The following DLGAP1 variants were observed in gnomAD, a reference collection of about 807,000 sequenced individuals.
DLGAP1 encodes DLG associated protein 1.
In DLGAP1, 11 loss-of-function variants were observed where a neutral mutation model predicts 90.8. The observed-to-expected ratio is 0.12, with a 90% confidence interval of 0.08 to 0.20. DLGAP1 has a LOEUF of 0.20. Ranked by LOEUF, DLGAP1 falls within the 10% of genes least tolerant of loss-of-function variation. The pLI is 1.00. For missense variants in DLGAP1, 1,050 were observed against 1,333.8 expected, an observed-to-expected ratio of 0.79 and a Z score of 3.31; for synonymous variants, 558 against 540.7, an observed-to-expected ratio of 1.03 and a Z score of -0.44.
chr18:3,781,916 C>G (rs770541925), intron 5 of DLGAP1, among the ~76,000 whole-genome samples: 1 of 152,294 alleles, frequency 6.6e-6, no homozygotes, highest in Admixed American at 6.5e-5. Flanking sequence ...AAGGTACACA[C>G]CGCTACATTT....
Position 3,503,088 on chromosome 18 carries a change from T to C in DLGAP1, c.2572-443A>G, listed in dbSNP as rs375785695. Among the ~76,000 whole-genome samples, 7 of 152,340 alleles carry C rather than the reference T, an allele frequency of 4.6e-5. No individual in the cohort carries two copies. The South Asian group carries it at 1.5e-3, about 32-fold the overall frequency. On this transcript the variant is annotated intron_variant, in intron 11 of 12. Transcript: ENST00000315677. ...GATAAGGAATCTAAAATAAGATTAGTTTAAATATTCATGTTAAGTAAAACA... is the reference window on the plus strand; with the variant it reads ...GATAAGGAATCTAAAATAAGATTAGCTTAAATATTCATGTTAAGTAAAACA...
At chr18:3,833,047 CA>C (rs2068119605) in intron 4 of DLGAP1, among the ~76,000 whole-genome samples, 2 of 152,312 alleles carry the variant, frequency 1.3e-5, no homozygotes, top group South Asian at 4.1e-4. Flanking sequence ...AGGAGAATCT[CA>C]TAAATAACAG....
At chr18:3,969,267 G>C (rs1325349845) in intron 3 of DLGAP1, among the ~76,000 whole-genome samples, 1 of 152,124 alleles carries the variant, frequency 6.6e-6, no homozygotes, top group Non-Finnish European at 1.5e-5. Flanking sequence ...TGATCATGTA[G>C]TCAATCAACA....
intron 5 of DLGAP1, among the ~76,000 whole-genome samples, chr18:3,798,819 A>C (rs533140653): frequency 6.6e-6 from 1 of 152,216 alleles, no homozygotes; most frequent in Non-Finnish European, 1.5e-5. Context: ...AACCATTTTT[A>C]ATTTAAAAAT....
intron 1 of DLGAP1, among the ~76,000 whole-genome samples, chr18:4,387,684 C>T (rs1054783855): frequency 1.2e-4 from 18 of 152,070 alleles, no homozygotes; most frequent in Non-Finnish European, 2.2e-4. Flanking sequence ...AAGAAAGGCA[C>T]AGGTTTGGGA....
At chr18:3,609,156 T>TTCTCAGCCTCTCCTG (rs2057472083) in intron 7 of DLGAP1, among the ~76,000 whole-genome samples, 1 of 151,780 alleles carries the variant, frequency 6.6e-6, no homozygotes, top group Admixed American at 6.6e-5. Context: ...CCTTGCAGTG[T>TTCTCAGCCTCTCCTG]CCTCAGCCTC....
chr18:4,282,985 T>A (rs636500), intron 1 of DLGAP1, among the ~76,000 whole-genome samples: 2 of 151,986 alleles, frequency 1.3e-5, no homozygotes, highest in East Asian at 3.9e-4. Flanking sequence ...CTTTAGCCAC[T>A]CAGGATGGGG....
chr18:4,260,902 T>C (rs942153226), intron 1 of DLGAP1, among the ~76,000 whole-genome samples: 1 of 152,204 alleles, frequency 6.6e-6, no homozygotes, highest in Non-Finnish European at 1.5e-5. Context: ...GGCTACAAAG[T>C]AGGACATCTC....
chr18:3,597,780 C>A, intron 7 of DLGAP1: 1 of 157,262 alleles, frequency 6.4e-6, no homozygotes. Context: ...AATGCATCCA[C>A]CGTTCCTTCC....
At chr18:3,698,006 C>T (rs1260639351) in intron 7 of DLGAP1, among the ~76,000 whole-genome samples, 2 of 152,048 alleles carry the variant, frequency 1.3e-5, no homozygotes, top group Non-Finnish European at 2.9e-5. Context: ...AGGATTGCAA[C>T]TCCTGCTTTT....
chr18:3,845,189 G>A (rs772152007), intron 4 of DLGAP1: 27 of 1,604,106 alleles, frequency 1.7e-5, no homozygotes, highest in Admixed American at 8.4e-5. Context: ...ACAAAGAAAC[G>A]ATTTATTTTC....
chr18:4,270,601 T>TGAAAATAAAGAACACTTACAA (rs1280209419), intron 1 of DLGAP1, among the ~76,000 whole-genome samples: 38 of 152,304 alleles, frequency 2.5e-4, no homozygotes, highest in Non-Finnish European at 4.1e-4. Flanking sequence ...GAGGCTTTAT[T>TGAAAATAAAGAACACTTACAA]GAAAATAAAG....
intron 1 of DLGAP1, among the ~76,000 whole-genome samples, chr18:4,224,631 G>A (rs562802382): frequency 6.6e-6 from 1 of 151,690 alleles, no homozygotes; most frequent in Non-Finnish European, 1.5e-5. Flanking sequence ...AAAGGGGAGA[G>A]AAGAGTGGGA....
At chr18:3,832,771 C>T (rs1362516495) in intron 4 of DLGAP1, among the ~76,000 whole-genome samples, 1 of 151,548 alleles carries the variant, frequency 6.6e-6, no homozygotes, top group Non-Finnish European at 1.5e-5. Flanking sequence ...CTCAATATTA[C>T]TGGAAGAAGT....
At chr18:3,872,797 G>T (rs1244010982) in intron 4 of DLGAP1, among the ~76,000 whole-genome samples, 2 of 152,092 alleles carry the variant, frequency 1.3e-5, no homozygotes, top group Non-Finnish European at 2.9e-5. Flanking sequence ...TCTTTAATTT[G>T]CAATCAAGCA....
chr18:4,266,967 G>A (rs764671903), intron 1 of DLGAP1, among the ~76,000 whole-genome samples: 1 of 152,130 alleles, frequency 6.6e-6, no homozygotes, highest in Non-Finnish European at 1.5e-5. Flanking sequence ...CATCTCAGGT[G>A]CTGAGTTTAC....
In DLGAP1 at chr18:4,378,695, C is replaced by T. The variant is rs1420788554; in HGVS notation, c.-267+76311G>A. On this transcript the variant is annotated intron_variant, in intron 1 of 12. Transcript: ENST00000315677. The surrounding 1 kb of genome is among the most constrained non-coding windows in gnomAD (Gnocchi z 4.5). ...TCCATCAGGGTAGGTATCTTGTCCT[C>T]TTGAGAACTTTAACTTACTACTTAA... 2.6e-5 allele frequency among the ~76,000 whole-genome samples: 4 copies of T among 152,148 alleles called. No homozygotes were observed. The highest frequency in any genetic ancestry group is 5.9e-5 in the Non-Finnish European group (4 of 68,012).
At chr18:3,566,719 G>C (rs2054446287) in intron 9 of DLGAP1, among the ~76,000 whole-genome samples, 1 of 152,060 alleles carries the variant, frequency 6.6e-6, no homozygotes, top group South Asian at 2.1e-4. Flanking sequence ...TTATAATTTA[G>C]AGTAGTTTCT....
intron 7 of DLGAP1, among the ~76,000 whole-genome samples, chr18:3,621,465 G>A (rs2058094247): frequency 6.6e-6 from 1 of 152,150 alleles, no homozygotes; most frequent in Non-Finnish European, 1.5e-5. Context: ...TGTACATAGT[G>A]AACTATATAC....
Sources: allele counts gnomAD v4.1 joint callset (sites outside exome capture counted in the v4.1 genomes callset), GRCh38; gene constraint gnomAD v4.1.1; non-coding constraint Gnocchi (gnomAD v3.1); transcripts MANE v1.5; gene names NCBI Gene and HGNC (gene_info 2026-07-23, HGNC 2026-07-21).